The following EPHB2 variants were observed in gnomAD, a reference collection of about 807,000 sequenced individuals.
EPHB2 encodes the protein ephrin type-B receptor 2.
Under a neutral mutation model 96.4 loss-of-function variants are expected in EPHB2, and 18 were observed. The ratio of observed to expected loss-of-function variants is 0.19; its 90% CI spans 0.13 to 0.28. The LOEUF (loss-of-function observed/expected upper bound fraction) is 0.28. Ranked by LOEUF, EPHB2 falls within the 10% of genes least tolerant of loss-of-function variation. The pLI, the probability that EPHB2 is intolerant of heterozygous loss-of-function variation, is 1.00. For synonymous variants in EPHB2, 506 were observed against 534.1 expected (o/e 0.95, Z 0.72); for missense variants, 989 against 1,355.4 (o/e 0.73, Z 4.25).
chr1:22,773,429 G>A (rs537840464), intron 1 of EPHB2, among the ~76,000 whole-genome samples: 126 of 152,284 alleles, frequency 8.3e-4, no homozygotes, highest in African/African-American at 2.6e-3. Flanking sequence ...AACAGGAACC[G>A]CTGGGAAGAG....
intron 3 of EPHB2, among the ~76,000 whole-genome samples, chr1:22,789,504 T>C (rs1644661406): frequency 1.3e-5 from 2 of 152,146 alleles, no homozygotes; most frequent in Non-Finnish European, 2.9e-5. Context: ...GCCTACTGTG[T>C]ACAGGGCACA....
intron 9 of EPHB2, among the ~76,000 whole-genome samples, chr1:22,898,366 C>A (rs1298369044): frequency 6.6e-6 from 1 of 152,140 alleles, no homozygotes; most frequent in East Asian, 1.9e-4. Flanking sequence ...GAGTGAGCTG[C>A]TCAGAGGTAT....
At chr1:22,768,635 G>A (rs1381968605) in intron 1 of EPHB2, among the ~76,000 whole-genome samples, 2 of 151,904 alleles carry the variant, frequency 1.3e-5, no homozygotes, top group Admixed American at 6.6e-5. Flanking sequence ...TGAGGCTGCA[G>A]TGAGTCATGC....
At chr1:22,757,907 G>GTTTT (rs1644176093) in intron 1 of EPHB2, among the ~76,000 whole-genome samples, 1 of 92,820 alleles carries the variant, frequency 1.1e-5, no homozygotes, top group African/African-American at 4.4e-5. Flanking sequence ...TGTAAGCTAT[G>GTTTT]CTTTTTTTTT....
intron 1 of EPHB2, among the ~76,000 whole-genome samples, chr1:22,759,567 G>A (rs1475176842): frequency 6.6e-6 from 1 of 152,146 alleles, no homozygotes; most frequent in African/African-American, 2.4e-5. Flanking sequence ...GTCCCTGACA[G>A]TGATGGGAAG....
intron 5 of EPHB2, among the ~76,000 whole-genome samples, chr1:22,865,420 A>G (rs994468461): frequency 1.3e-5 from 2 of 152,212 alleles, no homozygotes. Flanking sequence ...TTGAGTGCAT[A>G]TTATTGAAGG....
At chr1:22,761,203 T>C (rs576719598) in intron 1 of EPHB2, among the ~76,000 whole-genome samples, 218 of 152,336 alleles carry the variant, frequency 1.4e-3, no homozygotes, top group African/African-American at 4.8e-3. Context: ...TCCATTGTGA[T>C]GCACAGCCAG....
At chr1:22,798,660 G>A (rs985144765) in intron 3 of EPHB2, among the ~76,000 whole-genome samples, 16 of 152,054 alleles carry the variant, frequency 1.1e-4, no homozygotes, top group African/African-American at 3.9e-4. Context: ...GCCAGGGGGA[G>A]CCTTGCACAG....
At chr1:22,871,504 C>A (rs1638665596) in intron 5 of EPHB2, among the ~76,000 whole-genome samples, 1 of 152,204 alleles carries the variant, frequency 6.6e-6, no homozygotes, top group African/African-American at 2.4e-5. Flanking sequence ...CCTCATTTCT[C>A]TGAGCCTCAG....
chr1:22,759,545 A>C (rs1644205844), intron 1 of EPHB2, among the ~76,000 whole-genome samples: 1 of 151,924 alleles, frequency 6.6e-6, no homozygotes, highest in Non-Finnish European at 1.5e-5. Context: ...GGCTCTGATG[A>C]GTGTCTTGAG....
At chr1:22,847,344 G>A (rs1645558325) in intron 3 of EPHB2, among the ~76,000 whole-genome samples, 1 of 152,204 alleles carries the variant, frequency 6.6e-6, no homozygotes, top group Non-Finnish European at 1.5e-5. Context: ...CCTAACCACT[G>A]GGAAGCACAG....
chr1:22,841,858 G>A (rs1351178228), intron 3 of EPHB2, among the ~76,000 whole-genome samples: 5 of 151,996 alleles, frequency 3.3e-5, no homozygotes, highest in African/African-American at 7.2e-5. Context: ...TAATGCATGC[G>A]GGGTACAGAC....
chr1:22,839,085 G>C (rs1335042030), intron 3 of EPHB2, among the ~76,000 whole-genome samples: 1 of 152,198 alleles, frequency 6.6e-6, no homozygotes, highest in Non-Finnish European at 1.5e-5. Flanking sequence ...AAGCAAAACA[G>C]CTTTCCCAGG....
intron 5 of EPHB2, among the ~76,000 whole-genome samples, chr1:22,866,858 C>T (rs1422744241): frequency 2.6e-5 from 4 of 152,168 alleles, no homozygotes; most frequent in Non-Finnish European, 5.9e-5. Context: ...CGCTTGAACC[C>T]GGGAGGTGAA....
chr1:22,749,074 G>A (rs897387675), intron 1 of EPHB2, among the ~76,000 whole-genome samples: 6 of 150,918 alleles, frequency 4.0e-5, no homozygotes, highest in Admixed American at 6.6e-5. Flanking sequence ...AGGCTGGAGT[G>A]CAGTGGTGGG....
intron 3 of EPHB2, among the ~76,000 whole-genome samples, chr1:22,794,724 G>T (rs1025902981): frequency 6.6e-6 from 1 of 152,268 alleles, no homozygotes; most frequent in Non-Finnish European, 1.5e-5. Context: ...AAGAAGTAGG[G>T]TTAGAACCCA....
chr1:22,714,963 A>G (rs1200366293), intron 1 of EPHB2, among the ~76,000 whole-genome samples: 1 of 152,170 alleles, frequency 6.6e-6, no homozygotes, highest in East Asian at 1.9e-4. Context: ...CACCTGAAGA[A>G]GCATCAAAGA....
intron 6 of EPHB2, among the ~76,000 whole-genome samples, chr1:22,890,587 G>A (rs1020073569): frequency 5.3e-5 from 8 of 152,218 alleles, no homozygotes; most frequent in Non-Finnish European, 7.4e-5. Context: ...CCCCACTCAC[G>A]AGGGAGCTTT....
rs754856476 is a variant in EPHB2 at position 22,915,920 on chromosome 1, C to G, written c.*2350C>G. 1 of 152,416 alleles carries G rather than the reference C, an allele frequency of 6.6e-6. No homozygotes were observed. The highest frequency in any genetic ancestry group is 6.5e-5 in the Admixed American group (1 of 15,288). The allele number at this position is 152,416 out of a possible 1,614,324, so 9.4% of individuals were successfully genotyped here. On this transcript the variant is annotated 3_prime_UTR_variant, in exon 16 of 16. Coordinates refer to ENST00000374630, the MANE Select transcript of EPHB2 (RefSeq NM_017449.5). ...CGGGCCACAGGCAGCCAGCTAGAAG[C>G]GCCACGGTCAGAGTGAACATCCAGC...
Sources: allele counts gnomAD v4.1 joint callset (sites outside exome capture counted in the v4.1 genomes callset), GRCh38; gene constraint gnomAD v4.1.1; transcripts MANE v1.5; gene names NCBI Gene and HGNC (gene_info 2026-07-23, HGNC 2026-07-21).